Variants in SPIDR observed in about 807,000 individuals in gnomAD.
SPIDR encodes the protein DNA repair-scaffolding protein.
SPIDR carries 93 observed loss-of-function variants against 104.6 expected under a neutral mutation model. That is an observed-to-expected ratio of 0.89 (90% CI 0.75 to 1.06). SPIDR has a LOEUF of 1.06. Ranked by LOEUF, SPIDR falls within the 50% of genes least tolerant of loss-of-function variation. SPIDR has a pLI of 0.00. For synonymous variants in SPIDR, 431 were observed against 416.9 expected, an observed-to-expected ratio of 1.03 and a Z score of -0.41; for missense variants, 1,154 against 1,111.2, an observed-to-expected ratio of 1.04 and a Z score of -0.55.
intron 8 of SPIDR, among the ~76,000 whole-genome samples, chr8:47,448,398 C>T (rs539936094): frequency 2.7e-4 from 41 of 152,246 alleles, no homozygotes; most frequent in African/African-American, 9.4e-4. Context: ...AAAAGATTTA[C>T]TGAATGTTTA....
chr8:47,614,384 G>A (rs947790744), intron 10 of SPIDR, among the ~76,000 whole-genome samples: 1 of 152,062 alleles, frequency 6.6e-6, no homozygotes, highest in Non-Finnish European at 1.5e-5. Flanking sequence ...ACAATGCCTG[G>A]CTAATTTTTT....
chr8:47,271,671 A>G (rs1461126673), intron 1 of SPIDR, among the ~76,000 whole-genome samples: 24 of 152,052 alleles, frequency 1.6e-4, no homozygotes, highest in Non-Finnish European at 3.4e-4. Context: ...GAATATATTT[A>G]TAGTAAGTGA....
intron 1 of SPIDR, among the ~76,000 whole-genome samples, chr8:47,270,741 C>G (rs1406188616): frequency 1.3e-5 from 2 of 152,126 alleles, no homozygotes; most frequent in African/African-American, 2.4e-5. Context: ...TTAGCTGCAT[C>G]TATAGGTTTT....
At chr8:47,437,917 C>G (rs2068669482) in intron 7 of SPIDR, among the ~76,000 whole-genome samples, 2 of 152,326 alleles carry the variant, frequency 1.3e-5, no homozygotes, top group South Asian at 4.1e-4. Context: ...CTAAATCATG[C>G]TGCTATAAAG....
At chr8:47,559,114 A>G (rs780571133) in intron 8 of SPIDR, among the ~76,000 whole-genome samples, 1 of 152,138 alleles carries the variant, frequency 6.6e-6, no homozygotes, top group Non-Finnish European at 1.5e-5. Flanking sequence ...TCATTTCTCT[A>G]GTTTGTCACT....
chr8:47,413,799 G>C (rs1028215140), intron 7 of SPIDR, among the ~76,000 whole-genome samples: 5 of 152,112 alleles, frequency 3.3e-5, no homozygotes, highest in African/African-American at 1.2e-4. Context: ...TCTTCTAGAA[G>C]AGTTTGCTTT....
chr8:47,586,990 G>T (rs143889119), intron 8 of SPIDR, among the ~76,000 whole-genome samples: 12 of 152,050 alleles, frequency 7.9e-5, no homozygotes, highest in African/African-American at 2.9e-4. Context: ...GGCTGGTCTC[G>T]AACTCCCGAT....
chr8:47,385,297 G>A (rs1262882129), intron 5 of SPIDR, among the ~76,000 whole-genome samples: 1 of 151,992 alleles, frequency 6.6e-6, no homozygotes, highest in African/African-American at 2.4e-5. Flanking sequence ...GTAATTTTCT[G>A]TATTCTTATC....
chr8:47,511,708 G>GT lies in SPIDR; in HGVS notation c.1097+71167dup, dbSNP rs949095838. The GT allele has an allele frequency of 1.1e-5, 12 of 1,078,462 alleles. No individual in the cohort carries two copies. In the African/African-American group the frequency reaches 1.8e-4, roughly 17 times the overall value. The allele number at this position is 1,078,462 out of a possible 1,614,324, so 66.8% of individuals were successfully genotyped here. On this transcript the variant is annotated intron_variant, in intron 8 of 19. Transcript: ENST00000297423. ...GCCATCTCCGGCAAATGGTCTTGGT[G>GT]TACTGGTCTCTCCAGGTCTGTTGGT...
chr8:47,319,072 A>G (rs1328918128), intron 5 of SPIDR, among the ~76,000 whole-genome samples: 1 of 152,028 alleles, frequency 6.6e-6, no homozygotes, highest in African/African-American at 2.4e-5. Flanking sequence ...TCATAATGAC[A>G]GGATCAAATT....
chr8:47,735,575 C>G lies in SPIDR; in HGVS notation c.*125C>G. 1 of 1,528,576 alleles carries G rather than the reference C, an allele frequency of 6.5e-7. No individual in the cohort carries two copies. Among genetic ancestry groups the G allele is most frequent in the Non-Finnish European group, 8.8e-7 (1 of 1,133,030 alleles). 94.7% of individuals were successfully genotyped at this position (1,528,576 alleles called of 1,614,324 possible). ...CGTAGTTTACGATCTTGAAATGAAA[C>G]TTAGATTTTTCTGGGGAAATGTTCA... On this transcript the variant is annotated 3_prime_UTR_variant, in exon 20 of 20. Coordinates refer to ENST00000297423, the MANE Select transcript of SPIDR (RefSeq NM_001080394.4).
intron 12 of SPIDR, among the ~76,000 whole-genome samples, chr8:47,701,408 C>T (rs1253094344): frequency 4.6e-5 from 7 of 152,040 alleles, no homozygotes; most frequent in Admixed American, 2.0e-4. Flanking sequence ...CTCCAGCCAA[C>T]GAGAGTGCAA....
At chr8:47,491,470 CTATA>C (rs151328501) in intron 8 of SPIDR, among the ~76,000 whole-genome samples, 22 of 146,334 alleles carry the variant, frequency 1.5e-4, no homozygotes, top group Non-Finnish European at 2.1e-4. Flanking sequence ...GTGACCACAA[CTATA>C]TATATATATA....
intron 8 of SPIDR, among the ~76,000 whole-genome samples, chr8:47,503,851 ATTTG>A (rs2080993484): frequency 6.6e-6 from 1 of 152,032 alleles, no homozygotes. Flanking sequence ...ATCTCTCAGC[ATTTG>A]TTTGTCTGTA....
At chr8:47,627,367 A>G (rs2154439818) in intron 10 of SPIDR, among the ~76,000 whole-genome samples, 1 of 152,300 alleles carries the variant, frequency 6.6e-6, no homozygotes, top group African/African-American at 2.4e-5. Flanking sequence ...GTGCACATGT[A>G]CCCTAAAACT....
intron 4 of SPIDR, among the ~76,000 whole-genome samples, chr8:47,293,013 A>T (rs1206440338): frequency 6.6e-6 from 1 of 151,862 alleles, no homozygotes; most frequent in Admixed American, 6.6e-5. Flanking sequence ...GAAAATCTCT[A>T]ATGTGTTCCC....
intron 5 of SPIDR, among the ~76,000 whole-genome samples, chr8:47,320,106 ACTGAAGGAAATAGAGACATAAAAAACC>A (rs1356559218): frequency 5.3e-5 from 8 of 152,192 alleles, no homozygotes; most frequent in African/African-American, 1.9e-4. Flanking sequence ...TCAGAGCAGA[ACTGAAGGAAATAGAGACATAAAAAACC>A]CTTCAAAAAA....
At chr8:47,371,135 T>G (rs1449386804) in intron 5 of SPIDR, among the ~76,000 whole-genome samples, 9 of 151,866 alleles carry the variant, frequency 5.9e-5, no homozygotes, top group Non-Finnish European at 1.2e-4. Flanking sequence ...CAGGTTTTTT[T>G]TTTTTTTTTT....
chr8:47,400,552 G>GT (rs1276393610), intron 6 of SPIDR, among the ~76,000 whole-genome samples: 1 of 152,110 alleles, frequency 6.6e-6, no homozygotes, highest in Non-Finnish European at 1.5e-5. Flanking sequence ...ACCTGATAAA[G>GT]ACCAGGTAGC....
Sources: allele counts gnomAD v4.1 joint callset (sites outside exome capture counted in the v4.1 genomes callset), GRCh38; gene constraint gnomAD v4.1.1; transcripts MANE v1.5; gene names NCBI Gene and HGNC (gene_info 2026-07-23, HGNC 2026-07-21).